Variants in KDM5C observed in about 807,000 individuals in gnomAD.
The protein encoded by KDM5C is lysine demethylase 5C, also known as lysine-specific demethylase 5C.
In KDM5C, 16 loss-of-function variants were observed where a neutral mutation model predicts 110.6. The observed-to-expected ratio is 0.14, with a 90% CI of 0.10 to 0.22. KDM5C has a LOEUF of 0.22. Ranked by LOEUF, KDM5C falls within the 10% of genes least tolerant of loss-of-function variation. The probability of loss-of-function intolerance (pLI) is 1.00; values close to 1 mark genes in which losing one functional copy is unlikely to be tolerated. For missense variants in KDM5C, 681 were observed against 1,300.9 expected (o/e 0.52, Z 7.33); for synonymous variants, 511 against 520.4 (o/e 0.98, Z 0.24).
chrX:53,208,193 G>A (rs1204734414), intron 12 of KDM5C, among the ~76,000 whole-genome samples: 3 of 107,501 alleles, frequency 2.8e-5, no homozygotes, highest in Non-Finnish European at 5.7e-5. Context: ...AGGGCCTGGA[G>A]ATGCTGTGAA....
In KDM5C at chrX:53,192,843, C is replaced by T. The variant is rs781897787; in HGVS notation, c.*124G>A. 29 of 561,764 alleles carry T rather than the reference C, an allele frequency of 5.2e-5. No individual in the cohort carries two copies. The highest frequency in any genetic ancestry group is 3.8e-4 in the South Asian group (14 of 36,508). The allele number at this position is 561,764 out of a possible 1,213,427, so 46.3% of individuals were successfully genotyped here. A position where few individuals can be genotyped will look rare whatever the true frequency, so the allele number is the denominator to read the frequency against. ...AAAAGTCAAGGGACTCAGGGGTGGG[C>T]GGGTAGCAGGGATGGCCACCCCCCT... On this transcript the variant is annotated 3_prime_UTR_variant, in exon 26 of 26. Transcript: ENST00000375401.
chrX:53,193,780 A>G lies in KDM5C; in HGVS notation c.4110T>C (p.Gly1370=). 1 of 1,208,509 alleles carries G rather than the reference A, an allele frequency of 8.3e-7. No homozygotes were observed. The highest frequency in any genetic ancestry group is 1.1e-6 in the Non-Finnish European group (1 of 892,731). ...CACCACACCTAGACCTACCTCTCTT[A>G]CCTGAGCCCTCCTCCGGGGCTACCT... The part of the protein sequence containing the change: ...PEKVAPEEGS[G]KRDLELLSSL... Residue 1370 remains glycine (G), a synonymous_variant, in exon 24 of 26, where the codon GGT becomes GGC. Coordinates refer to ENST00000375401, the MANE Select transcript of KDM5C (RefSeq NM_004187.5).
intron 25 of KDM5C, among the ~76,000 whole-genome samples, chrX:53,182,106 T>C (rs1419289684): frequency 4.9e-5 from 5 of 102,592 alleles, no homozygotes; most frequent in African/African-American, 1.9e-4. Flanking sequence ...TTTTTTGATA[T>C]GGATTTTCGC....
At chrX:53,223,666 T>G (rs1173120993) in intron 1 of KDM5C, among the ~76,000 whole-genome samples, 1 of 112,146 alleles carries the variant, frequency 8.9e-6, no homozygotes, top group African/African-American at 3.2e-5. Flanking sequence ...CCCTAGCCCT[T>G]GGGAGACTTC....
chrX:53,209,709 C>T (rs1327443694), intron 12 of KDM5C, among the ~76,000 whole-genome samples: 2 of 111,761 alleles, frequency 1.8e-5, no homozygotes, highest in African/African-American at 6.5e-5. Context: ...AAGATCCACA[C>T]CAGAAAACTG....
chrX:53,210,142 C>A (rs950978172), intron 12 of KDM5C, among the ~76,000 whole-genome samples: 2 of 112,617 alleles, frequency 1.8e-5, no homozygotes, highest in African/African-American at 6.5e-5. Context: ...CCCCACTTCC[C>A]TCTTCCACTG....
chrX:53,215,274 G>GAGGGCCGGGCGCGGTGGC, intron 7 of KDM5C: 1 of 335,016 alleles, frequency 3.0e-6, no homozygotes, highest in African/African-American at 2.6e-5. Context: ...CATTGAAAAG[G>GAGGGCCGGGCGCGGTGGC]TAACACCTGA....
rs1556837428 is a variant in KDM5C at position 53,196,899 on chromosome X, C to T, written c.2768G>A (p.Arg923Gln). The change falls in exon 19 of 26, where the codon CGG (arginine) becomes CAG (glutamine). Residue 923 changes from arginine to glutamine, a missense_variant. Transcript: ENST00000375401. ...CAGCCATCGCGCCTGTTCCACCTGC[C>T]GCTGGAGCTGCTGGGCCTCAGGCAC... ...VEVPEAQQLQ[R>Q]QVEQARWLDE... 2.5e-6 allele frequency: 3 copies of T among 1,203,219 alleles called. No homozygotes were observed. Among genetic ancestry groups the T allele is most frequent in the Non-Finnish European group, 3.4e-6 (3 of 890,917 alleles).
chrX:53,224,981 C>G lies in KDM5C; in HGVS notation c.-92G>C, dbSNP rs1480007973. Reference sequence around the variant, plus strand: ...CGCTGTTTGAAGCCGAGGCAATGCTCGGAGGCTAGGCCCTAAGCGGGGCAG... The same window carrying G: ...CGCTGTTTGAAGCCGAGGCAATGCTGGGAGGCTAGGCCCTAAGCGGGGCAG... On this transcript the variant is annotated 5_prime_UTR_variant, in exon 1 of 26. Coordinates refer to ENST00000375401, the MANE Select transcript of KDM5C (RefSeq NM_004187.5). 2.9e-6 allele frequency: 3 copies of G among 1,049,546 alleles called. No homozygotes were observed. The highest frequency in any genetic ancestry group is 3.7e-4 in the Middle Eastern group (1 of 2,683). 86.5% of individuals were successfully genotyped at this position (1,049,546 alleles called of 1,213,427 possible).
In KDM5C at chrX:53,196,558, A is replaced by C. The variant is rs1257677013; in HGVS notation, c.2981+128T>G. ...AAAACGACAAGATAGACAACAAAAG[A>C]GGGGAGAGTCAATACAGTAACACAG... On this transcript the variant is annotated intron_variant, in intron 19 of 25. Transcript: ENST00000375401. The C allele has an allele frequency of 5.4e-6, 3 of 557,235 alleles. No homozygotes were observed. In the East Asian group the frequency reaches 9.9e-5, roughly 18 times the overall value. The allele number at this position is 557,235 out of a possible 1,213,427, so 45.9% of individuals were successfully genotyped here.
rs1602163048 is a variant in KDM5C at position 53,194,802 on chromosome X, C to T, written c.3439-64G>A. ...CTACCCCTTCCCTTCTCTGGGCCCC[C>T]CCTTAACACCCCCACTCCCAAACCA... On this transcript the variant is annotated intron_variant, in intron 22 of 25. Transcript: ENST00000375401. The T allele has an allele frequency of 9.2e-6, 11 of 1,194,541 alleles. No homozygotes were observed. In the East Asian group the frequency reaches 2.7e-4, roughly 29 times the overall value.
intron 12 of KDM5C, among the ~76,000 whole-genome samples, chrX:53,209,015 C>T (rs987659995): frequency 9.2e-6 from 1 of 108,324 alleles, no homozygotes; most frequent in Non-Finnish European, 1.9e-5. Flanking sequence ...TGGGGTTTCA[C>T]CGTGTCGGCC....
intron 12 of KDM5C, among the ~76,000 whole-genome samples, chrX:53,209,446 A>C (rs1413063946): frequency 9.0e-6 from 1 of 111,130 alleles, no homozygotes; most frequent in Non-Finnish European, 1.9e-5. Flanking sequence ...AACAAGGAGA[A>C]GGCAAAAAGA....
At chrX:53,201,513 C>A in intron 14 of KDM5C, 37 bp downstream of exon 14, 1 of 1,191,904 alleles carries the variant, frequency 8.4e-7, no homozygotes, top group East Asian at 3.0e-5. Context: ...CGAACTTCCA[C>A]CAGAATAGGG....
In KDM5C at chrX:53,224,974, C is replaced by CA; in HGVS notation, c.-86dup. On this transcript the variant is annotated 5_prime_UTR_variant, in exon 1 of 26. Transcript: ENST00000375401. Reference sequence around the variant, plus strand: ...GCGCCGCCGCTGTTTGAAGCCGAGGCAATGCTCGGAGGCTAGGCCCTAAGC... The same window carrying CA: ...GCGCCGCCGCTGTTTGAAGCCGAGGCAAATGCTCGGAGGCTAGGCCCTAAGC... The CA allele has an allele frequency of 3.7e-6, 4 of 1,069,910 alleles. No individual in the cohort carries two copies. The highest frequency in any genetic ancestry group is 3.6e-4 in the Middle Eastern group (1 of 2,763). 88.2% of individuals were successfully genotyped at this position (1,069,910 alleles called of 1,213,427 possible). A position where few individuals can be genotyped will look rare whatever the true frequency, so the allele number is the denominator to read the frequency against.
At chrX:53,208,234 G>A (rs2073415797) in intron 12 of KDM5C, among the ~76,000 whole-genome samples, 1 of 108,413 alleles carries the variant, frequency 9.2e-6, no homozygotes, top group African/African-American at 3.3e-5. Flanking sequence ...GCAGACAGAG[G>A]GCTGGGTGGT....
rs1412033232 is a variant in KDM5C, at chrX:53,193,454, T to G, written c.4300A>C (p.Ile1434Leu). 8.3e-7 allele frequency: 1 copy of G among 1,209,833 alleles called. No homozygotes were observed. The highest frequency in any genetic ancestry group is 1.8e-5 in the African/African-American group (1 of 57,088). Reference sequence around the variant, plus strand: ...CTCCTCACCTCCAGAAGTGTGCGGATCCTCTCCAGGTCTGGGGGCTGTCCA... The same window carrying G: ...CTCCTCACCTCCAGAAGTGTGCGGAGCCTCTCCAGGTCTGGGGGCTGTCCA... The part of the protein sequence containing the change: ...QAGQPPDLER[I>L]RTLLELEKAE... Residue 1434 changes from isoleucine (I) to leucine (L), a missense_variant, in exon 25 of 26, where the codon ATC becomes CTC. Physicochemically the swap from Ile to Leu is conservative, Grantham distance 5. Coordinates refer to ENST00000375401, the MANE Select transcript of KDM5C (RefSeq NM_004187.5).
At chrX:53,213,620 C>T (rs1556850183) in intron 8 of KDM5C, among the ~76,000 whole-genome samples, 1 of 111,619 alleles carries the variant, frequency 9.0e-6, no homozygotes, top group African/African-American at 3.3e-5. Flanking sequence ...TACCTCTGTT[C>T]CTGCTAGTCC....
chrX:53,202,244 A>T (rs1556842503), intron 12 of KDM5C: 2 of 315,509 alleles, frequency 6.3e-6, no homozygotes, highest in Admixed American at 5.0e-5. Flanking sequence ...AAAATTATAA[A>T]TATCACTTTT....
Sources: gnomAD v4.1 joint callset for allele counts (sites outside exome capture counted in the v4.1 genomes callset) on GRCh38, gnomAD v4.1.1 for gene constraint, MANE v1.5 for transcripts, NCBI Gene and HGNC (gene_info 2026-07-23, HGNC 2026-07-21) for gene names.